The following TMEM117 variants were observed in gnomAD, a reference collection of about 807,000 sequenced individuals.
The protein encoded by TMEM117 is transmembrane protein 117.
A neutral mutation model predicts 52.4 loss-of-function variants in TMEM117; 27 were observed. The ratio of observed to expected loss-of-function variants is 0.51; its 90% CI spans 0.38 to 0.71. The LOEUF (loss-of-function observed/expected upper bound fraction) is 0.71, where lower values mean the gene tolerates loss of function less well. Ranked by LOEUF, TMEM117 falls within the 30% of genes least tolerant of loss-of-function variation. TMEM117 has a pLI of 0.00. For missense variants in TMEM117, 556 were observed against 630.5 expected (o/e 0.88, Z 1.26); for synonymous variants, 215 against 206.3 (o/e 1.04, Z -0.36).
At chr12:44,353,679 A>G (rs1335314197) in intron 6 of TMEM117, among the ~76,000 whole-genome samples, 2 of 152,244 alleles carry the variant, frequency 1.3e-5, no homozygotes, top group African/African-American at 2.4e-5. Flanking sequence ...TACCAGTACC[A>G]TGCTGTTTTG....
chr12:44,333,661 C>A (rs1951302677), intron 6 of TMEM117, among the ~76,000 whole-genome samples: 2 of 152,126 alleles, frequency 1.3e-5, no homozygotes, highest in South Asian at 4.1e-4. Flanking sequence ...GAGGCCTCCC[C>A]AGCCCTGTGG....
intron 2 of TMEM117, among the ~76,000 whole-genome samples, chr12:43,882,289 G>A (rs1194977271): frequency 5.3e-5 from 8 of 151,142 alleles, no homozygotes; most frequent in South Asian, 2.1e-4. Flanking sequence ...GTGAAACCAC[G>A]TCTCTACTAA....
chr12:44,388,178 G>T lies in TMEM117; in HGVS notation c.1051G>T (p.Asp351Tyr), dbSNP rs1428398577. ...AGTGAAAGACTCAGAAAGTTTAAAA[G>T]ATTTGAACAGAACCAAGCTATCCTG... ...YTVKDSESLK[D>Y]LNRTKLSWEW... The change falls in exon 8 of 8, where the codon GAT becomes TAT. Residue 351 changes from aspartate (D) to tyrosine (Y), a missense_variant. Asp to Tyr is a radical substitution (Grantham distance 160). Coordinates refer to ENST00000266534, the MANE Select transcript of TMEM117 (RefSeq NM_032256.3). 1 of 1,613,288 alleles carries T rather than the reference G, an allele frequency of 6.2e-7. No homozygotes were observed. The highest frequency in any genetic ancestry group is 2.2e-5 in the East Asian group (1 of 44,816).
chr12:44,127,894 G>A (rs1320678942), intron 3 of TMEM117, among the ~76,000 whole-genome samples: 3 of 152,078 alleles, frequency 2.0e-5, no homozygotes, highest in African/African-American at 4.8e-5. Context: ...CTCTATTTAT[G>A]TGTATGCCAA....
At chr12:44,161,899 T>C (rs1006054664) in intron 4 of TMEM117, among the ~76,000 whole-genome samples, 6 of 152,110 alleles carry the variant, frequency 3.9e-5, no homozygotes, top group Non-Finnish European at 8.8e-5. Flanking sequence ...GTGAGAATTA[T>C]GTGGTGAGAG....
At chr12:44,278,573 T>C (rs1950542625) in intron 5 of TMEM117, among the ~76,000 whole-genome samples, 1 of 152,214 alleles carries the variant, frequency 6.6e-6, no homozygotes, top group South Asian at 2.1e-4. Flanking sequence ...GAGCTCTCTC[T>C]TCCCTCCGTG....
At chr12:44,351,340 G>C (rs1181410353) in intron 6 of TMEM117, among the ~76,000 whole-genome samples, 1 of 151,756 alleles carries the variant, frequency 6.6e-6, no homozygotes, top group Non-Finnish European at 1.5e-5. Context: ...TCCCTTTGCT[G>C]TGCAGAAGCT....
chr12:44,261,173 T>C (rs879281622), intron 5 of TMEM117, among the ~76,000 whole-genome samples: 1 of 152,208 alleles, frequency 6.6e-6, no homozygotes, highest in Non-Finnish European at 1.5e-5. Flanking sequence ...AGAAATTATT[T>C]ATGGAGCAAT....
intron 2 of TMEM117, among the ~76,000 whole-genome samples, chr12:43,848,548 T>C (rs151064202): frequency 0.037 from 5,701 of 152,192 alleles, 271 homozygotes; most frequent in African/African-American, 0.1. Context: ...GCCCGACCCC[T>C]CAGGCAGTCA....
At chr12:44,230,972 A>C (rs940306835) in intron 5 of TMEM117, among the ~76,000 whole-genome samples, 1 of 151,958 alleles carries the variant, frequency 6.6e-6, no homozygotes, top group African/African-American at 2.4e-5. Flanking sequence ...CACATGTGTT[A>C]AAAAGATTTA....
intron 4 of TMEM117, among the ~76,000 whole-genome samples, chr12:44,163,791 C>T (rs1296125622): frequency 6.6e-6 from 1 of 152,172 alleles, no homozygotes; most frequent in Non-Finnish European, 1.5e-5. Context: ...AATATAACAT[C>T]CTAGGTATCA....
intron 4 of TMEM117, among the ~76,000 whole-genome samples, chr12:44,197,316 G>A (rs1212240672): frequency 1.3e-5 from 2 of 151,898 alleles, no homozygotes. Flanking sequence ...TACATTTTCA[G>A]AGCCGTTATA....
At position 44,324,709 on chromosome 12, in the gene TMEM117, T is replaced by C. The variant is rs563784093; in HGVS notation, c.768+24970T>C. Reference sequence around the variant, plus strand: ...AAAATAGAATTATCTTCTATGTTACTGTTTTGCAAACCTGCTTTTTCAGGT... The same window carrying C: ...AAAATAGAATTATCTTCTATGTTACCGTTTTGCAAACCTGCTTTTTCAGGT... On this transcript the variant is annotated intron_variant, in intron 6 of 7. Transcript: ENST00000266534. Among the ~76,000 whole-genome samples, 6 of 152,318 alleles carry C rather than the reference T, an allele frequency of 3.9e-5. 1 individual carries two copies. The South Asian group carries it at 1.2e-3, about 32-fold the overall frequency.
chr12:43,985,177 G>A (rs546602740), intron 3 of TMEM117, among the ~76,000 whole-genome samples: 1 of 152,238 alleles, frequency 6.6e-6, no homozygotes, highest in South Asian at 2.1e-4. Context: ...ATTGAATAGA[G>A]ATTTTTTTTA....
chr12:44,370,317 C>A (rs1423799040), intron 6 of TMEM117, among the ~76,000 whole-genome samples: 2 of 152,102 alleles, frequency 1.3e-5, no homozygotes, highest in African/African-American at 4.8e-5. Context: ...ATGGCTCAAT[C>A]TTTGTTTCAC....
chr12:44,196,842 C>T (rs985590264), intron 4 of TMEM117, among the ~76,000 whole-genome samples: 1 of 152,198 alleles, frequency 6.6e-6, no homozygotes, highest in Non-Finnish European at 1.5e-5. Context: ...GGCTAGTTCC[C>T]TTACTTCTTA....
the TMEM117 span, among the ~76,000 whole-genome samples, chr12:43,820,639 C>A: frequency 6.7e-6 from 1 of 150,114 alleles, no homozygotes; most frequent in South Asian, 2.1e-4. Flanking sequence ...ATGTAGCAAG[C>A]ATTGTTATTC....
At chr12:43,982,262 C>T (rs544135491) in intron 3 of TMEM117, among the ~76,000 whole-genome samples, 2 of 152,180 alleles carry the variant, frequency 1.3e-5, no homozygotes, top group African/African-American at 4.8e-5. Flanking sequence ...AAAATAGTTT[C>T]CCCGAGGAAT....
intron 4 of TMEM117, among the ~76,000 whole-genome samples, chr12:44,148,226 A>G (rs951033781): frequency 1.3e-5 from 2 of 152,210 alleles, no homozygotes; most frequent in Non-Finnish European, 2.9e-5. Context: ...ATTTATAGTG[A>G]CCGTCTGTTT....
Sources: allele counts gnomAD v4.1 joint callset (sites outside exome capture counted in the v4.1 genomes callset), GRCh38; gene constraint gnomAD v4.1.1; transcripts MANE v1.5; gene names NCBI Gene and HGNC (gene_info 2026-07-23, HGNC 2026-07-21).